Variants in LRRTM4 observed in about 807,000 individuals in gnomAD.
The protein encoded by LRRTM4 is leucine rich repeat transmembrane neuronal 4.
A neutral mutation model predicts 47.6 loss-of-function variants in LRRTM4; 25 were observed. The observed-to-expected ratio is 0.53, with a 90% CI of 0.38 to 0.73. The LOEUF is 0.73. Among genes scored for constraint, LRRTM4 ranks in the 30% least tolerant of loss-of-function variants. The probability of loss-of-function intolerance (pLI) is 0.00; values close to 1 mark genes in which losing one functional copy is unlikely to be tolerated. For synonymous variants in LRRTM4, 311 were observed against 269.5 expected (o/e 1.15, Z -1.51); for missense variants, 638 against 713.4 (o/e 0.89, Z 1.20).
intron 3 of LRRTM4, among the ~76,000 whole-genome samples, chr2:76,961,929 C>T (rs1476245753): frequency 6.6e-6 from 1 of 151,238 alleles, no homozygotes; most frequent in African/African-American, 2.4e-5. Flanking sequence ...GTGATCTTTG[C>T]AATTATGAAT....
At chr2:76,897,463 T>C (rs1203940207) in intron 3 of LRRTM4, among the ~76,000 whole-genome samples, 1 of 152,166 alleles carries the variant, frequency 6.6e-6, no homozygotes, top group Non-Finnish European at 1.5e-5. Context: ...ATAGTTTACA[T>C]ATGGTATGTG....
At chr2:77,093,733 G>T (rs143280351) in intron 3 of LRRTM4, among the ~76,000 whole-genome samples, 6,124 of 151,968 alleles carry the variant, frequency 0.04, 291 homozygotes, top group African/African-American at 0.098. Context: ...CGCCCAGATG[G>T]CCTGAAGTAA....
chr2:76,812,773 TCCCCCTCCTCCTCTCCCTCCC>T (rs1364464741), intron 3 of LRRTM4, among the ~76,000 whole-genome samples: 1 of 53,114 alleles, frequency 1.9e-5, no homozygotes, highest in African/African-American at 9.3e-5. Flanking sequence ...CTCCTCTCCC[TCCCCCTCCTCCTCTCCCTCCC>T]CCCCCTCCTC....
chr2:76,796,144 C>T (rs143933156), intron 3 of LRRTM4, among the ~76,000 whole-genome samples: 11,797 of 141,400 alleles, frequency 0.083, 1,439 homozygotes, highest in East Asian at 0.31. Context: ...GATTATATCC[C>T]GCACATGGCT....
chr2:77,337,809 C>T (rs1285585152), intron 3 of LRRTM4, among the ~76,000 whole-genome samples: 1 of 152,070 alleles, frequency 6.6e-6, no homozygotes, highest in Admixed American at 6.6e-5. Flanking sequence ...CAGTCCTAAG[C>T]AAAAAGAACA....
intron 3 of LRRTM4, among the ~76,000 whole-genome samples, chr2:76,975,278 C>T (rs955299084): frequency 4.6e-5 from 7 of 151,754 alleles, no homozygotes; most frequent in Non-Finnish European, 1.0e-4. Context: ...GGGCATCTTA[C>T]TTCCTAATAG....
chr2:77,353,218 C>T (rs1189589575), intron 3 of LRRTM4, among the ~76,000 whole-genome samples: 1 of 152,104 alleles, frequency 6.6e-6, no homozygotes, highest in Non-Finnish European at 1.5e-5. Flanking sequence ...GTGTTAACAT[C>T]TGTTGGATAG....
chr2:77,468,104 C>A (rs553304975), intron 3 of LRRTM4, among the ~76,000 whole-genome samples: 1 of 152,046 alleles, frequency 6.6e-6, no homozygotes, highest in African/African-American at 2.4e-5. Context: ...GACTATCCTG[C>A]CAGTGACGAT....
At chr2:77,034,254 G>A (rs1678762261) in intron 3 of LRRTM4, among the ~76,000 whole-genome samples, 1 of 151,888 alleles carries the variant, frequency 6.6e-6, no homozygotes, top group Non-Finnish European at 1.5e-5. Context: ...AAACATCCTT[G>A]TCACCACAAC....
intron 3 of LRRTM4, among the ~76,000 whole-genome samples, chr2:76,812,691 C>CTTTCTTTCTTTCTTTCT (rs1558670617): frequency 6.7e-6 from 1 of 149,372 alleles, no homozygotes; most frequent in East Asian, 2.0e-4. Flanking sequence ...TTCTTTCTTT[C>CTTTCTTTCTTTCTTTCT]TTTCTTTTCT....
chr2:77,114,929 A>G (rs1191275726), intron 3 of LRRTM4, among the ~76,000 whole-genome samples: 1 of 152,178 alleles, frequency 6.6e-6, no homozygotes. Flanking sequence ...CTTGATAAAC[A>G]TCTTAACAGG....
chr2:77,197,638 A>G (rs1055553604), intron 3 of LRRTM4, among the ~76,000 whole-genome samples: 8 of 152,194 alleles, frequency 5.3e-5, no homozygotes, highest in African/African-American at 1.9e-4. Flanking sequence ...ACATATTGAA[A>G]GTGTAAATGA....
At chr2:76,923,001 G>A (rs910101949) in intron 3 of LRRTM4, among the ~76,000 whole-genome samples, 4 of 151,998 alleles carry the variant, frequency 2.6e-5, no homozygotes, top group African/African-American at 4.8e-5. Flanking sequence ...AGCTTATTTA[G>A]GGGCAAACAC....
intron 3 of LRRTM4, among the ~76,000 whole-genome samples, chr2:77,093,697 C>T (rs59482723): frequency 0.14 from 21,895 of 151,836 alleles, 2,457 homozygotes; most frequent in East Asian, 0.35. Flanking sequence ...GCCAAGCCAT[C>T]GCATCCCCTG....
chr2:77,223,713 T>C (rs990562777), intron 3 of LRRTM4, among the ~76,000 whole-genome samples: 1 of 152,008 alleles, frequency 6.6e-6, no homozygotes, highest in African/African-American at 2.4e-5. Context: ...TAAAAGAGGA[T>C]ACAAACAAAT....
chr2:77,202,677 T>C (rs1450563270), intron 3 of LRRTM4, among the ~76,000 whole-genome samples: 1 of 152,060 alleles, frequency 6.6e-6, no homozygotes, highest in Non-Finnish European at 1.5e-5. Flanking sequence ...AGATGAATAT[T>C]ACTGGAGTTA....
rs201309025 is a variant in LRRTM4 at position 76,999,981 on chromosome 2, A to AAT, written c.1552-251067_1552-251066dup. Among the ~76,000 whole-genome samples the AAT allele has an allele frequency of 6.6e-3, 1,001 of 152,284 alleles. 13 individuals carry two copies. The highest frequency in any genetic ancestry group is 0.023 in the African/African-American group (962 of 41,570). Reference sequence around the variant, plus strand: ...TGGAAAGAATGAAACAGACAATGATAATAGCTTCTTTCAGCTAGAAAGCTG... The same window carrying AAT: ...TGGAAAGAATGAAACAGACAATGATAATATAGCTTCTTTCAGCTAGAAAGCTG... On this transcript the variant is annotated intron_variant, in intron 3 of 3. Transcript: ENST00000409884.
At chr2:77,166,747 A>C (rs1368790158) in intron 3 of LRRTM4, among the ~76,000 whole-genome samples, 1 of 152,194 alleles carries the variant, frequency 6.6e-6, no homozygotes, top group African/African-American at 2.4e-5. Context: ...AAAACTGGCT[A>C]GCCATATGTA....
intron 3 of LRRTM4, among the ~76,000 whole-genome samples, chr2:76,979,989 C>T (rs897352343): frequency 6.6e-6 from 1 of 152,038 alleles, no homozygotes; most frequent in Non-Finnish European, 1.5e-5. Flanking sequence ...TGATTTGTCG[C>T]TGGCAGGGCT....
Sources: allele counts gnomAD v4.1 joint callset (sites outside exome capture counted in the v4.1 genomes callset), GRCh38; gene constraint gnomAD v4.1.1; transcripts MANE v1.5; gene names NCBI Gene and HGNC (gene_info 2026-07-23, HGNC 2026-07-21).